LRRC4C: variants seen among roughly 807,000 people sequenced by gnomAD.
LRRC4C encodes leucine rich repeat containing 4C.
In LRRC4C, 5 loss-of-function variants were observed where a neutral mutation model predicts 33.6. The observed-to-expected ratio is 0.15, with a 90% confidence interval of 0.08 to 0.31. LRRC4C has a LOEUF of 0.31. LRRC4C is among the 10% of genes least tolerant of loss of function. The pLI is 1.00. For synonymous variants in LRRC4C, 329 were observed against 302.0 expected, an observed-to-expected ratio of 1.09 and a Z score of -0.93; for missense variants, 560 against 796.7, an observed-to-expected ratio of 0.70 and a Z score of 3.58.
chr11:41,240,627 T>A (rs1441892940), intron 1 of LRRC4C, among the ~76,000 whole-genome samples: 1 of 152,118 alleles, frequency 6.6e-6, no homozygotes, highest in African/African-American at 2.4e-5. Context: ...TAAGCCACCG[T>A]TTTGCATAAG....
intron 5 of LRRC4C, among the ~76,000 whole-genome samples, chr11:40,146,734 T>A (rs983966225): frequency 1.3e-5 from 2 of 152,146 alleles, no homozygotes; most frequent in Non-Finnish European, 2.9e-5. Flanking sequence ...TTCCTTAATT[T>A]CTGAATTGGA....
chr11:40,298,408 C>A (rs1182828108), intron 4 of LRRC4C, among the ~76,000 whole-genome samples: 1 of 150,782 alleles, frequency 6.6e-6, no homozygotes, highest in Non-Finnish European at 1.5e-5. Flanking sequence ...ATGGTCTCAG[C>A]TATAGTCACT....
intron 1 of LRRC4C, among the ~76,000 whole-genome samples, chr11:41,167,804 T>C (rs1436042312): frequency 8.5e-5 from 13 of 152,174 alleles, no homozygotes; most frequent in Admixed American, 8.5e-4. Context: ...TGCAATGAAT[T>C]TGCATAATGA....
chr11:40,348,264 C>A (rs554150477), intron 3 of LRRC4C, among the ~76,000 whole-genome samples: 1 of 141,734 alleles, frequency 7.1e-6, no homozygotes, highest in South Asian at 2.3e-4. Context: ...TATAAACCTT[C>A]AATTTGTTAA....
intron 3 of LRRC4C, among the ~76,000 whole-genome samples, chr11:40,513,121 C>T (rs978966624): frequency 2.0e-5 from 3 of 151,444 alleles, no homozygotes; most frequent in East Asian, 3.9e-4. Flanking sequence ...CGGTGGCATG[C>T]GCCTGTAATC....
intron 2 of LRRC4C, among the ~76,000 whole-genome samples, chr11:40,651,370 G>C (rs1296514107): frequency 3.3e-5 from 5 of 152,042 alleles, no homozygotes; most frequent in African/African-American, 1.2e-4. Context: ...AGAGGAGAGA[G>C]AGAGAGAAAG....
At chr11:40,892,639 A>C (rs577317286) in intron 2 of LRRC4C, among the ~76,000 whole-genome samples, 67 of 152,344 alleles carry the variant, frequency 4.4e-4, no homozygotes, top group African/African-American at 1.6e-3. Context: ...ATATGTTACA[A>C]TGTGAATGGA....
At chr11:40,958,219 T>C (rs1959047329) in intron 1 of LRRC4C, among the ~76,000 whole-genome samples, 1 of 151,724 alleles carries the variant, frequency 6.6e-6, no homozygotes, top group Non-Finnish European at 1.5e-5. Flanking sequence ...TGTGGTATTT[T>C]GTTACAGCAG....
intron 3 of LRRC4C, among the ~76,000 whole-genome samples, chr11:40,365,262 A>T (rs940518903): frequency 3.3e-5 from 5 of 152,110 alleles, no homozygotes; most frequent in African/African-American, 1.2e-4. Context: ...AAAAATGTAG[A>T]AGATTTCAAC....
intron 1 of LRRC4C, among the ~76,000 whole-genome samples, chr11:41,328,463 C>T (rs574697385): frequency 6.6e-5 from 10 of 152,004 alleles, no homozygotes; most frequent in African/African-American, 2.4e-4. Context: ...GTGTACCTAG[C>T]GTGGGTTAAG....
chr11:41,109,780 A>G (rs1326249084), intron 1 of LRRC4C, among the ~76,000 whole-genome samples: 1 of 152,060 alleles, frequency 6.6e-6, no homozygotes, highest in Non-Finnish European at 1.5e-5. Flanking sequence ...ATTTCTTCCC[A>G]TTGAAATTCT....
chr11:40,811,257 T>C (rs1296615652), intron 2 of LRRC4C, among the ~76,000 whole-genome samples: 1 of 152,164 alleles, frequency 6.6e-6, no homozygotes. Flanking sequence ...AAAGTACTAA[T>C]CACTATTATA....
intron 1 of LRRC4C, among the ~76,000 whole-genome samples, chr11:41,097,615 A>G (rs1363837767): frequency 6.6e-6 from 1 of 152,224 alleles, no homozygotes; most frequent in African/African-American, 2.4e-5. Context: ...TGAATTTATC[A>G]GAATTATTCA....
At chr11:40,725,832 C>G (rs757564363) in intron 2 of LRRC4C, among the ~76,000 whole-genome samples, 4 of 152,102 alleles carry the variant, frequency 2.6e-5, no homozygotes, top group Non-Finnish European at 5.9e-5. Flanking sequence ...GTGTGCTGCT[C>G]CCTTGGATTG....
chr11:40,231,124 C>CT (rs1400323970), intron 5 of LRRC4C, among the ~76,000 whole-genome samples: 7 of 152,150 alleles, frequency 4.6e-5, no homozygotes. Context: ...CCCAGCAACT[C>CT]TGGAGGCTGA....
intron 1 of LRRC4C, among the ~76,000 whole-genome samples, chr11:41,188,839 CTTG>C (rs1180560513): frequency 1.3e-5 from 2 of 151,370 alleles, no homozygotes; most frequent in Non-Finnish European, 2.9e-5. Flanking sequence ...ACCATATATC[CTTG>C]TTGTTATGCT....
intron 1 of LRRC4C, among the ~76,000 whole-genome samples, chr11:41,263,842 A>G (rs978182759): frequency 1.3e-5 from 2 of 152,144 alleles, no homozygotes; most frequent in African/African-American, 2.4e-5. Context: ...TTCAGTATAC[A>G]TAGGATGACT....
At chr11:40,977,831 T>C (rs1476276948) in intron 1 of LRRC4C, among the ~76,000 whole-genome samples, 1 of 152,182 alleles carries the variant, frequency 6.6e-6, no homozygotes, top group Non-Finnish European at 1.5e-5. Context: ...AATGCTAACA[T>C]CTTCTACCTG....
intron 1 of LRRC4C, among the ~76,000 whole-genome samples, chr11:41,200,798 C>T: frequency 6.6e-6 from 1 of 152,118 alleles, no homozygotes; most frequent in Non-Finnish European, 1.5e-5. Flanking sequence ...AAATGATTAA[C>T]ACTCAAATTT....
Sources: gnomAD v4.1 joint callset for allele counts (sites outside exome capture counted in the v4.1 genomes callset) on GRCh38, gnomAD v4.1.1 for gene constraint, MANE v1.5 for transcripts, NCBI Gene and HGNC (gene_info 2026-07-23, HGNC 2026-07-21) for gene names.